Variants in DMD observed in about 807,000 individuals in gnomAD.
The protein encoded by DMD is mutant dystrophin.
DMD carries 63 observed loss-of-function variants against 330.1 expected under a neutral mutation model. That is an observed-to-expected ratio of 0.19 (90% CI 0.16 to 0.24). DMD has a LOEUF of 0.24. DMD is among the 10% of genes least tolerant of loss of function. The probability of loss-of-function intolerance (pLI) is 1.00; values close to 1 mark genes in which losing one functional copy is unlikely to be tolerated. For missense variants in DMD, 3,344 were observed against 2,684.1 expected, an observed-to-expected ratio of 1.25 and a Z score of -5.43; for synonymous variants, 1,223 against 959.8, an observed-to-expected ratio of 1.27 and a Z score of -5.07.
intron 29 of DMD, among the ~76,000 whole-genome samples, chrX:32,422,079 A>C (rs1049978814): frequency 1.8e-5 from 2 of 111,140 alleles, no homozygotes; most frequent in Non-Finnish European, 3.8e-5. Context: ...TTAGTTGTTG[A>C]GGAATTGGAA....
At position 33,062,588 on chromosome X, in the gene DMD, T is replaced by C. The variant is rs774332608; in HGVS notation, c.32-42388A>G. 5.0e-3 allele frequency among the ~76,000 whole-genome samples: 564 copies of C among 112,261 alleles called. 3 individuals are homozygous for C. Among genetic ancestry groups the C allele is most frequent in the Non-Finnish European group, 8.5e-3 (454 of 53,235 alleles). ...ACCTCCCGAGTTCAAGCAATTCTCC[T>C]GCCTCAGCCTCCCGAGTAGCTGGGA... On this transcript the variant is annotated intron_variant, in intron 1 of 78. Transcript: ENST00000357033.
intron 7 of DMD, among the ~76,000 whole-genome samples, chrX:32,703,101 T>C (rs1240963125): frequency 9.0e-6 from 1 of 111,467 alleles, no homozygotes; most frequent in Non-Finnish European, 1.9e-5. Context: ...ATGAAGATAA[T>C]TCTCAAACTA....
chrX:33,076,841 G>T (rs1374327990), intron 1 of DMD, among the ~76,000 whole-genome samples: 1 of 111,647 alleles, frequency 9.0e-6, no homozygotes, highest in African/African-American at 3.3e-5. Context: ...CTCCCTCAGA[G>T]CCAGCTGTGC....
intron 13 of DMD, among the ~76,000 whole-genome samples, chrX:32,585,057 C>A (rs749848217): frequency 1.2e-4 from 13 of 110,898 alleles, no homozygotes; most frequent in African/African-American, 3.3e-5. Flanking sequence ...ATAAATGGAA[C>A]TGGAGGTCAT....
Position 33,009,388 on chromosome X carries a change from ATATATGTGTG to A in DMD, c.93+10741_93+10750del, listed in dbSNP as rs1442266116. ...TGTGTATATGTGTATATACACGTGTATATATGTGTGTATATGTGTATATACACATGTGTGT... is the reference window on the plus strand; with the variant it reads ...TGTGTATATGTGTATATACACGTGTATATATGTGTATATACACATGTGTGT... On this transcript the variant is annotated intron_variant, in intron 2 of 78. Transcript: ENST00000357033. Among the ~76,000 whole-genome samples, 2 of 75,873 alleles carry A rather than the reference ATATATGTGTG, an allele frequency of 2.6e-5. 1 individual carries two copies. Among genetic ancestry groups the A allele is most frequent in the Non-Finnish European group, 5.1e-5 (2 of 39,542 alleles). 65.9% of individuals were successfully genotyped at this position (75,873 alleles called of 115,157 possible). A position where few individuals can be genotyped will look rare whatever the true frequency, so the allele number is the denominator to read the frequency against.
At chrX:32,193,900 G>C (rs2096986960) in intron 44 of DMD, among the ~76,000 whole-genome samples, 1 of 111,646 alleles carries the variant, frequency 9.0e-6, no homozygotes, top group South Asian at 3.7e-4. Flanking sequence ...TTGATAATTG[G>C]TAGACATGGG....
intron 9 of DMD, among the ~76,000 whole-genome samples, chrX:32,679,538 T>A (rs1167953517): frequency 9.0e-6 from 1 of 111,221 alleles, no homozygotes. Context: ...GGGGAAACAT[T>A]TCTTATGAAC....
At chrX:32,805,572 G>C (rs1483934678) in intron 7 of DMD, among the ~76,000 whole-genome samples, 1 of 111,347 alleles carries the variant, frequency 9.0e-6, no homozygotes, top group Non-Finnish European at 1.9e-5. Flanking sequence ...TTCAAATTTA[G>C]GAAATACAGA....
At chrX:32,959,372 G>A (rs997960849) in intron 2 of DMD, among the ~76,000 whole-genome samples, 2 of 111,091 alleles carry the variant, frequency 1.8e-5, no homozygotes, top group Non-Finnish European at 1.9e-5. Context: ...TCCAATTCCG[G>A]TTTTGTTGTG....
chrX:33,035,777 C>T, intron 1 of DMD, among the ~76,000 whole-genome samples: 1 of 111,716 alleles, frequency 9.0e-6, no homozygotes, highest in South Asian at 3.7e-4. Flanking sequence ...CAAATCACTC[C>T]TTTCTGCATA....
chrX:32,657,549 T>C (rs1414753910), intron 9 of DMD, among the ~76,000 whole-genome samples: 1 of 111,403 alleles, frequency 9.0e-6, no homozygotes, highest in Non-Finnish European at 1.9e-5. Flanking sequence ...GGAGGAAAAA[T>C]GGGATACCCA....
At chrX:32,026,291 T>C (rs1162951220) in intron 44 of DMD, among the ~76,000 whole-genome samples, 1 of 112,407 alleles carries the variant, frequency 8.9e-6, no homozygotes, top group African/African-American at 3.2e-5. Context: ...TAGAAGCATA[T>C]TAAAACTTCA....
intron 1 of DMD, among the ~76,000 whole-genome samples, chrX:33,053,027 C>T (rs2094475690): frequency 1.8e-5 from 2 of 111,696 alleles, no homozygotes; most frequent in African/African-American, 6.5e-5. Flanking sequence ...AACTATCTGT[C>T]GGTAGATCTT....
chrX:31,498,858 A>G, intron 56 of DMD, among the ~76,000 whole-genome samples: 1 of 112,483 alleles, frequency 8.9e-6, no homozygotes. Context: ...TGAATTGAAT[A>G]TAATAGTGCA....
At chrX:32,266,076 T>C (rs780739568) in intron 43 of DMD, among the ~76,000 whole-genome samples, 19 of 111,877 alleles carry the variant, frequency 1.7e-4, no homozygotes, top group Non-Finnish European at 3.2e-4. Context: ...TCATTCTGAA[T>C]TGTAGTTCCT....
At chrX:31,447,156 T>TAA (rs2065331837) in intron 59 of DMD, among the ~76,000 whole-genome samples, 2 of 111,274 alleles carry the variant, frequency 1.8e-5, no homozygotes, top group South Asian at 7.6e-4. Context: ...GATTCAAAAA[T>TAA]AAGTTTTGGT....
intron 50 of DMD, among the ~76,000 whole-genome samples, chrX:31,781,579 T>C (rs1287239853): frequency 8.9e-6 from 1 of 112,098 alleles, no homozygotes; most frequent in African/African-American, 3.2e-5. Flanking sequence ...CTTCACTAAC[T>C]TGAATAGAGA....
intron 44 of DMD, among the ~76,000 whole-genome samples, chrX:32,180,741 C>G (rs2096924397): frequency 1.8e-5 from 2 of 111,580 alleles, no homozygotes; most frequent in African/African-American, 6.5e-5. Flanking sequence ...AAGGAGCAAG[C>G]CACCTTCTTC....
At chrX:32,893,457 GAT>G (rs67429684) in intron 2 of DMD, among the ~76,000 whole-genome samples, 49,944 of 109,822 alleles carry the variant, frequency 0.45, 8,332 homozygotes, top group East Asian at 0.69. Context: ...ATGTTTACAA[GAT>G]ATATGTGAAT....
Sources: gnomAD v4.1 joint callset for allele counts (sites outside exome capture counted in the v4.1 genomes callset) on GRCh38, gnomAD v4.1.1 for gene constraint, MANE v1.5 for transcripts, NCBI Gene and HGNC (gene_info 2026-07-23, HGNC 2026-07-21) for gene names.